Variants in CELF2 observed in about 807,000 individuals in gnomAD.
CELF2 encodes CUG triplet repeat RNA-binding protein 2.
A neutral mutation model predicts 62.6 loss-of-function variants in CELF2; 8 were observed. The observed-to-expected ratio is 0.13, with a 90% CI of 0.07 to 0.23. CELF2 has a LOEUF of 0.23. Ranked by LOEUF, CELF2 falls within the 10% of genes least tolerant of loss-of-function variation. The pLI is 1.00. For synonymous variants in CELF2, 258 were observed against 250.0 expected, an observed-to-expected ratio of 1.03 and a Z score of -0.30; for missense variants, 333 against 671.0, an observed-to-expected ratio of 0.50 and a Z score of 5.56.
Position 11,273,989 on chromosome 10 carries a change from C to T in CELF2, c.778-1068C>T, listed in dbSNP as rs1040366412. Among the ~76,000 whole-genome samples the T allele has an allele frequency of 1.3e-5, 2 of 148,210 alleles. 1 individual carries two copies. The highest frequency in any genetic ancestry group is 3.0e-5 in the Non-Finnish European group (2 of 67,264). Reference sequence around the variant, plus strand: ...CCCCACCCCCCCCCCCCACCTTGGCCTCCCAAAGTCCTGGGATTACAGATG... The same window carrying T: ...CCCCACCCCCCCCCCCCACCTTGGCTTCCCAAAGTCCTGGGATTACAGATG... On this transcript the variant is annotated intron_variant, in intron 7 of 12. Transcript: ENST00000633077.
the CELF2 span, among the ~76,000 whole-genome samples, chr10:10,587,215 C>T: frequency 6.6e-6 from 1 of 152,200 alleles, no homozygotes; most frequent in Non-Finnish European, 1.5e-5. Context: ...TGGGCAGAGT[C>T]CACATATTGT....
At chr10:10,898,181 C>T (rs1359976001) in intron 1 of CELF2, among the ~76,000 whole-genome samples, 1 of 152,180 alleles carries the variant, frequency 6.6e-6, no homozygotes, top group South Asian at 2.1e-4. Context: ...AAGCAGATAA[C>T]TTGTTTTCTA....
chr10:10,901,021 A>G (rs2062901773), intron 1 of CELF2, among the ~76,000 whole-genome samples: 1 of 152,258 alleles, frequency 6.6e-6, no homozygotes, highest in African/African-American at 2.4e-5. Context: ...AACATTGTGG[A>G]GAGAAATTAG....
chr10:11,264,171 T>C (rs966015021), intron 5 of CELF2, among the ~76,000 whole-genome samples: 1 of 152,226 alleles, frequency 6.6e-6, no homozygotes, highest in African/African-American at 2.4e-5. Flanking sequence ...TGCACGGTTG[T>C]TAGAGGAAAG....
the CELF2 span, among the ~76,000 whole-genome samples, chr10:10,750,527 CAACT>C: frequency 1.3e-5 from 2 of 152,196 alleles, no homozygotes; most frequent in Non-Finnish European, 2.9e-5. Flanking sequence ...TTAAGAAAGA[CAACT>C]GAAGAAGGTG....
the CELF2 span, among the ~76,000 whole-genome samples, chr10:10,550,422 G>C: frequency 6.6e-6 from 1 of 152,156 alleles, no homozygotes; most frequent in Non-Finnish European, 1.5e-5. Flanking sequence ...TGGGCTCACT[G>C]TCTAGTGTGC....
At chr10:11,015,088 G>A (rs1268047233), upstream of CELF2, among the ~76,000 whole-genome samples, 1 of 152,074 alleles carries the variant, frequency 6.6e-6, no homozygotes, top group Non-Finnish European at 1.5e-5. This position sits in a 1 kb window ranked among gnomAD's most constrained non-coding sequence, Gnocchi z 4.8. Context: ...GAACCCGAGC[G>A]TTCAACAGCG....
intron 1 of CELF2, among the ~76,000 whole-genome samples, chr10:11,062,148 G>A (rs1016695447): frequency 6.7e-6 from 1 of 149,542 alleles, no homozygotes; most frequent in East Asian, 2.1e-4. Context: ...CTACTGCTCA[G>A]GGGGGGAAAA....
chr10:10,464,207 C>T, the CELF2 span, among the ~76,000 whole-genome samples: 1 of 152,134 alleles, frequency 6.6e-6, no homozygotes, highest in Non-Finnish European at 1.5e-5. Context: ...AGAATAATTT[C>T]TGCCTCTTTA....
intron 1 of CELF2, among the ~76,000 whole-genome samples, chr10:10,833,793 A>G (rs1215129893): frequency 6.6e-6 from 1 of 152,232 alleles, no homozygotes; most frequent in African/African-American, 2.4e-5. Context: ...AATGGCTATT[A>G]TTGAAAAGTC....
At chr10:10,728,471 A>AG in the CELF2 span, among the ~76,000 whole-genome samples, 1 of 150,832 alleles carries the variant, frequency 6.6e-6, no homozygotes, top group East Asian at 1.9e-4. Context: ...AAAAAAAAAA[A>AG]AAAGAGAGAG....
At chr10:10,950,193 G>T (rs1282489082) in intron 2 of CELF2, among the ~76,000 whole-genome samples, 1 of 152,188 alleles carries the variant, frequency 6.6e-6, no homozygotes, top group South Asian at 2.1e-4. Flanking sequence ...CTGGGAAAGG[G>T]CCAGGGCCTG....
chr10:11,270,930 C>T lies in CELF2; in HGVS notation c.777+106C>T, dbSNP rs963069646. ...TTTGTTTTCAGTACATTTTCAATCT[C>T]GGGGAATTATTGAAATCAGCATTTA... is the stretch of plus-strand genomic sequence containing the variant. On this transcript the variant is annotated intron_variant, in intron 7 of 12. Transcript: ENST00000633077. The surrounding 1 kb of genome is among the most constrained non-coding windows in gnomAD (Gnocchi z 5.8). 16 of 1,073,376 alleles carry T rather than the reference C, an allele frequency of 1.5e-5. No individual in the cohort carries two copies. The highest frequency in any genetic ancestry group is 6.8e-4 in the Middle Eastern group (2 of 2,944). The allele number at this position is 1,073,376 out of a possible 1,614,324, so 66.5% of individuals were successfully genotyped here. A position where few individuals can be genotyped will look rare whatever the true frequency, so the allele number is the denominator to read the frequency against.
intron 1 of CELF2, among the ~76,000 whole-genome samples, chr10:11,155,257 GA>G (rs1370927859): frequency 6.6e-6 from 1 of 152,230 alleles, no homozygotes; most frequent in Non-Finnish European, 1.5e-5. Flanking sequence ...TTATACAAAT[GA>G]ATAATTGCGC....
At chr10:10,609,395 G>T in the CELF2 span, among the ~76,000 whole-genome samples, 1 of 152,206 alleles carries the variant, frequency 6.6e-6, no homozygotes, top group Non-Finnish European at 1.5e-5. Context: ...AGAATTGTGT[G>T]CAACATAGAA....
chr10:10,763,481 T>C, the CELF2 span, among the ~76,000 whole-genome samples: 1 of 152,124 alleles, frequency 6.6e-6, no homozygotes, highest in African/African-American at 2.4e-5. Context: ...CCCTGCATGG[T>C]CATGCAACTA....
At chr10:11,067,595 T>C in intron 1 of CELF2, among the ~76,000 whole-genome samples, 1 of 152,154 alleles carries the variant, frequency 6.6e-6, no homozygotes, top group East Asian at 1.9e-4. Context: ...ACAAACCAAA[T>C]CTAAATATTG....
intron 4 of CELF2, among the ~76,000 whole-genome samples, chr10:11,257,210 A>AAAG (rs1340829007): frequency 6.6e-6 from 1 of 152,084 alleles, no homozygotes; most frequent in African/African-American, 2.4e-5. Flanking sequence ...TTTGAAACAG[A>AAAG]AAAATGTTTT....
chr10:10,655,643 T>C, the CELF2 span, among the ~76,000 whole-genome samples: 31 of 123,846 alleles, frequency 2.5e-4, no homozygotes, highest in Non-Finnish European at 4.8e-4. Flanking sequence ...ATTTAATAAA[T>C]GGTGCTGGGA....
Sources: gnomAD v4.1 joint callset for allele counts (sites outside exome capture counted in the v4.1 genomes callset) on GRCh38, gnomAD v4.1.1 for gene constraint, Gnocchi (gnomAD v3.1) non-coding constraint, MANE v1.5 for transcripts, NCBI Gene and HGNC (gene_info 2026-07-23, HGNC 2026-07-21) for gene names.